Variants in SLC2A11 observed in about 807,000 individuals in gnomAD.
The protein encoded by SLC2A11 is solute carrier family 2, facilitated glucose transporter member 11.
A neutral mutation model predicts 52.1 loss-of-function variants in SLC2A11; 43 were observed. The ratio of observed to expected loss-of-function variants is 0.82; its 90% CI spans 0.65 to 1.06. SLC2A11 has a LOEUF of 1.06. SLC2A11 is among the 50% of genes least tolerant of loss of function. The probability of loss-of-function intolerance (pLI) is 0.00; values close to 1 mark genes in which losing one functional copy is unlikely to be tolerated. For missense variants in SLC2A11, 582 were observed against 654.2 expected (o/e 0.89, Z 1.20); for synonymous variants, 261 against 277.6 (o/e 0.94, Z 0.59).
At chr22:23,857,570 A>AGC, upstream of SLC2A11, 1 of 1,357,056 alleles carries the variant, frequency 7.4e-7, no homozygotes, top group Non-Finnish European at 1.0e-6. Context: ...CGCGGCGGTG[A>AGC]CCCCAAACCC....
chr22:23,876,447 G>A (rs2032614351), intron 4 of SLC2A11, among the ~76,000 whole-genome samples: 1 of 152,156 alleles, frequency 6.6e-6, no homozygotes, highest in Non-Finnish European at 1.5e-5. Flanking sequence ...CCCTAGGTCA[G>A]GGAGGGCATA....
Position 23,863,607 on chromosome 22 carries a change from GGTTTTTTT to G in SLC2A11, c.129+1406_129+1413del, listed in dbSNP as rs1271209830. On this transcript the variant is annotated intron_variant, in intron 2 of 11. Transcript: ENST00000316185. ...CTGCCCCTGTTTTTTCTCTCTCTCT[GGTTTTTTT>G]TTTTTTTTTTTTTTTTTTTGGGACA... Among the ~76,000 whole-genome samples the G allele has an allele frequency of 3.5e-3, 391 of 113,192 alleles. 6 individuals carry two copies. The highest frequency in any genetic ancestry group is 9.6e-3 in the Middle Eastern group (2 of 208). The allele number at this position is 113,192 out of a possible 152,430, so 74.3% of individuals were successfully genotyped here. A position where few individuals can be genotyped will look rare whatever the true frequency, so the allele number is the denominator to read the frequency against.
chr22:23,878,675 G>A (rs74331474), intron 6 of SLC2A11, among the ~76,000 whole-genome samples: 2 of 152,314 alleles, frequency 1.3e-5, no homozygotes, highest in East Asian at 3.9e-4. Flanking sequence ...AAGGAGGGGT[G>A]AAGACCGGGG....
chr22:23,857,074 G>GTGTGTGTGTGT, upstream of SLC2A11: 1 of 288,660 alleles, frequency 3.5e-6, no homozygotes. Context: ...GTGTGTGTGT[G>GTGTGTGTGTGT]GGGGGGGGGG....
rs1174989564 is a variant in SLC2A11 at position 23,884,602 on chromosome 22, G to C, written c.1300-47G>C. ...GACCTGTCATGGGCCTTCTGTTTAG[G>C]GGTTGATGGAGACACACCAGGTCTT... On this transcript the variant is annotated intron_variant, in intron 11 of 11. Coordinates refer to ENST00000316185, the MANE Select transcript of SLC2A11 (RefSeq NM_001024939.4). The surrounding 1 kb of genome is among the most constrained non-coding windows in gnomAD (Gnocchi z 4.3). 1 of 1,583,388 alleles carries C rather than the reference G, an allele frequency of 6.3e-7. No homozygotes were observed. The highest frequency in any genetic ancestry group is 1.2e-5 in the South Asian group (1 of 86,074).
chr22:23,880,248 G>T (rs1169589326), intron 6 of SLC2A11, among the ~76,000 whole-genome samples: 1 of 109,006 alleles, frequency 9.2e-6, no homozygotes, highest in Non-Finnish European at 1.7e-5. Flanking sequence ...GACAGAGTGA[G>T]ACTCCATCTC....
chr22:23,883,582 G>A (rs952958881), intron 8 of SLC2A11, 190 bp from the exon 9 acceptor site: 2 of 522,120 alleles, frequency 3.8e-6, no homozygotes, highest in Non-Finnish European at 6.7e-6. Context: ...ACCATTTTGA[G>A]ATGCGGAAAC....
rs956301346 is a variant in SLC2A11, at chr22:23,858,038, T to C, written c.30+9T>C. 6.4e-7 allele frequency: 1 copy of C among 1,558,952 alleles called. No individual in the cohort carries two copies. The highest frequency in any genetic ancestry group is 8.7e-7 in the Non-Finnish European group (1 of 1,151,042). On this transcript the variant is annotated intron_variant, in intron 1 of 11. Coordinates refer to ENST00000316185, the MANE Select transcript of SLC2A11 (RefSeq NM_001024939.4). ...TCCTGCGATCTAGAATGGTATGAAT[T>C]CTCATACTTGCCCAGACCAGGCGTT...
At chr22:23,882,691 G>A (rs760315424) in intron 7 of SLC2A11, 45 bp downstream of exon 7, 3 of 1,606,764 alleles carry the variant, frequency 1.9e-6, no homozygotes, top group African/African-American at 1.3e-5. Context: ...CGGGGGCTTG[G>A]TGTTGCAGGC....
chr22:23,858,130 C>A, intron 1 of SLC2A11, 101 bp downstream of exon 1: 1 of 1,462,228 alleles, frequency 6.8e-7, no homozygotes, highest in Non-Finnish European at 9.4e-7. Flanking sequence ...TTAACTAAGT[C>A]GTCAAATGTT....
intron 8 of SLC2A11, chr22:23,883,115 A>C: frequency 7.5e-6 from 4 of 531,184 alleles, no homozygotes; most frequent in Non-Finnish European, 1.0e-5. Context: ...ACAAAAAATT[A>C]TCCCGGCGTG....
chr22:23,857,873 G>A, upstream of SLC2A11: 4 of 1,541,558 alleles, frequency 2.6e-6, no homozygotes, highest in Non-Finnish European at 2.6e-6. Flanking sequence ...GTGCGCTAGC[G>A]CCTCTTTCAC....
At chr22:23,882,271 CACACACAG>C in intron 6 of SLC2A11, 180 bp from the exon 7 acceptor site, 1 of 598,090 alleles carries the variant, frequency 1.7e-6, no homozygotes, top group Non-Finnish European at 2.9e-6. Flanking sequence ...CACACAGAGA[CACACACAG>C]AGACAGAGAG....
intron 6 of SLC2A11, chr22:23,880,343 T>C (rs2032760843): frequency 6.6e-6 from 1 of 152,196 alleles, no homozygotes; most frequent in Non-Finnish European, 1.5e-5. Flanking sequence ...CTGGTCTTTT[T>C]TTTGTCCAAA....
chr22:23,871,389 C>T (rs1212020745), intron 3 of SLC2A11: 3 of 123,028 alleles, frequency 2.4e-5, no homozygotes, highest in Non-Finnish European at 4.9e-5. Flanking sequence ...GCCTGGTAGA[C>T]AAGAGTGAGA....
chr22:23,877,913 G>C, intron 6 of SLC2A11, 44 bp downstream of exon 6: 1 of 1,575,934 alleles, frequency 6.3e-7, no homozygotes, highest in Non-Finnish European at 8.6e-7. Context: ...TTGACCAAGG[G>C]ATGCATCTCC....
At chr22:23,869,774 A>G (rs1242610449) in intron 3 of SLC2A11, 2 of 526,784 alleles carry the variant, frequency 3.8e-6, no homozygotes, top group East Asian at 6.3e-5. Context: ...GAAGTCCAAG[A>G]TCAAGGCACC....
At chr22:23,870,374 T>G (rs2032413778) in intron 3 of SLC2A11, 1 of 288,698 alleles carries the variant, frequency 3.5e-6, no homozygotes, top group Admixed American at 5.3e-5. Flanking sequence ...TGACTGGAGC[T>G]CTGAAATGTG....
intron 4 of SLC2A11, 83 bp from the exon 5 acceptor site, chr22:23,876,959 G>A: frequency 1.2e-6 from 2 of 1,604,966 alleles, no homozygotes; most frequent in South Asian, 2.2e-5. Flanking sequence ...ACAGTGCTGA[G>A]TGGGGCAGGG....
Sources: gnomAD v4.1 joint callset for allele counts (sites outside exome capture counted in the v4.1 genomes callset) on GRCh38, gnomAD v4.1.1 for gene constraint, Gnocchi (gnomAD v3.1) non-coding constraint, MANE v1.5 for transcripts, NCBI Gene and HGNC (gene_info 2026-07-23, HGNC 2026-07-21) for gene names.